Variants in RBM5 observed in about 807,000 individuals in gnomAD.
The protein encoded by RBM5 is RNA-binding protein 5.
RBM5 carries 15 observed loss-of-function variants against 124.6 expected under a neutral mutation model. The ratio of observed to expected loss-of-function variants is 0.12; its 90% CI spans 0.08 to 0.19. The LOEUF is 0.19. Ranked by LOEUF, RBM5 falls within the 10% of genes least tolerant of loss-of-function variation. RBM5 has a pLI of 1.00. For missense variants in RBM5, 580 were observed against 1,026.5 expected, an observed-to-expected ratio of 0.57 and a Z score of 5.94; for synonymous variants, 337 against 361.2, an observed-to-expected ratio of 0.93 and a Z score of 0.76.
chr3:50,093,456 G>T (rs56283541), intron 3 of RBM5, among the ~76,000 whole-genome samples: 4 of 146,512 alleles, frequency 2.7e-5, no homozygotes, highest in Non-Finnish European at 6.0e-5. Flanking sequence ...AAAAAAAAAA[G>T]AAAACACAGC....
intron 4 of RBM5, among the ~76,000 whole-genome samples, chr3:50,096,678 C>G (rs2090822572): frequency 0.011 from 1 of 88 alleles, no homozygotes; most frequent in Non-Finnish European, 0.029. Context: ...CAGCCTCCAA[C>G]TTTTGGGGCT....
At chr3:50,096,913 A>G (rs2090829414) in intron 4 of RBM5, among the ~76,000 whole-genome samples, 1 of 152,080 alleles carries the variant, frequency 6.6e-6, no homozygotes, top group Admixed American at 6.6e-5. Context: ...ATGGTGTGGT[A>G]GATGGGCCCT....
Position 50,107,420 on chromosome 3 carries a change from T to A in RBM5, c.954-62T>A, listed in dbSNP as rs2091053071. On this transcript the variant is annotated intron_variant, in intron 11 of 24. Coordinates refer to ENST00000347869, the MANE Select transcript of RBM5 (RefSeq NM_005778.4). ...GGGTGGAGTGAATCAGTTGGTGGTATAGGGGCACTAATTGTGGGAATACTG... is the reference window on the plus strand; with the variant it reads ...GGGTGGAGTGAATCAGTTGGTGGTAAAGGGGCACTAATTGTGGGAATACTG... The A allele has an allele frequency of 3.1e-6, 4 of 1,299,396 alleles. No homozygotes were observed. The Admixed American group carries it at 5.0e-5, about 16-fold the overall frequency. 80.5% of individuals were successfully genotyped at this position (1,299,396 alleles called of 1,614,324 possible).
intron 2 of RBM5, among the ~76,000 whole-genome samples, chr3:50,091,047 T>G (rs1198115673): frequency 6.6e-6 from 1 of 152,226 alleles, no homozygotes; most frequent in African/African-American, 2.4e-5. Flanking sequence ...GGGTACATGC[T>G]CTCAGACCAT....
At chr3:50,105,758 G>A (rs2091015758) in intron 10 of RBM5, 49 bp downstream of exon 10, 1 of 1,588,200 alleles carries the variant, frequency 6.3e-7, no homozygotes, top group Non-Finnish European at 8.6e-7. Context: ...AGCTTTAAGA[G>A]GCAAATGTGG....
intron 16 of RBM5, 43 bp downstream of exon 16, chr3:50,110,506 AGTT>A: frequency 6.4e-7 from 1 of 1,572,796 alleles, no homozygotes. Flanking sequence ...GGAAGGTCTT[AGTT>A]GTTGTCTTTG....
intron 10 of RBM5, among the ~76,000 whole-genome samples, chr3:50,105,987 CTG>C (rs2091019615): frequency 6.6e-6 from 1 of 152,064 alleles, no homozygotes; most frequent in Non-Finnish European, 1.5e-5. Context: ...TGGAGTCTCA[CTG>C]TCGCCCAGGC....
chr3:50,093,958 T>C, intron 4 of RBM5, 83 bp downstream of exon 4: 1 of 1,474,984 alleles, frequency 6.8e-7, no homozygotes, highest in Non-Finnish European at 9.3e-7. Context: ...CATGCTATTG[T>C]TTTATCTTAA....
chr3:50,096,126 G>C (rs559101103), intron 4 of RBM5, among the ~76,000 whole-genome samples: 116 of 152,170 alleles, frequency 7.6e-4, no homozygotes, highest in African/African-American at 2.6e-3. Context: ...CAGAGCTATG[G>C]ATCTTGCCTC....
chr3:50,106,951 G>A (rs1412283951), intron 11 of RBM5, 87 bp downstream of exon 11: 7 of 1,136,996 alleles, frequency 6.2e-6, no homozygotes, highest in Non-Finnish European at 9.3e-6. Flanking sequence ...TGTGCCCCAA[G>A]TATGTTGAGA....
At chr3:50,089,131 C>T (rs888513707) in intron 1 of RBM5, 102 bp downstream of exon 1, 4 of 152,278 alleles carry the variant, frequency 2.6e-5, no homozygotes, top group Non-Finnish European at 5.9e-5. Flanking sequence ...CAGCTCCAGC[C>T]GGTTCTGTAG....
intron 4 of RBM5, among the ~76,000 whole-genome samples, chr3:50,098,228 C>T (rs1005452690): frequency 2.6e-5 from 4 of 152,200 alleles, no homozygotes; most frequent in Non-Finnish European, 4.4e-5. Context: ...GGCACAGTGA[C>T]GCATCCACTG....
chr3:50,116,234 G>A, intron 22 of RBM5: 1 of 469,618 alleles, frequency 2.1e-6, no homozygotes, highest in Non-Finnish European at 3.9e-6. Flanking sequence ...GCCAGAGCTT[G>A]CTGCTTAAAT....
rs1559701190 is a variant in RBM5, at chr3:50,118,317, C to T, written c.2323-14C>T. On this transcript the variant is annotated splice_polypyrimidine_tract_variant and intron_variant, in intron 24 of 24. Coordinates refer to ENST00000347869, the MANE Select transcript of RBM5 (RefSeq NM_005778.4). ...TACCCTACCTCCCAGCTGACAGTCTCTGTGCTTTCCCAGGCTCAAGTTCGG... is the reference window on the plus strand; with the variant it reads ...TACCCTACCTCCCAGCTGACAGTCTTTGTGCTTTCCCAGGCTCAAGTTCGG... 6.8e-6 allele frequency: 11 copies of T among 1,613,926 alleles called. No individual in the cohort carries two copies. In the Admixed American group the frequency reaches 1.3e-4, roughly 20 times the overall value.
intron 3 of RBM5, among the ~76,000 whole-genome samples, chr3:50,092,444 C>T (rs1297875018): frequency 1.3e-5 from 2 of 151,530 alleles, no homozygotes; most frequent in Non-Finnish European, 2.9e-5. Flanking sequence ...GCCTGTAATC[C>T]CAGCTACTTG....
intron 11 of RBM5, 118 bp downstream of exon 11, chr3:50,106,982 G>T: frequency 1.1e-6 from 1 of 870,570 alleles, no homozygotes. Context: ...CTCCCTGATT[G>T]CCAAGGCCAG....
chr3:50,106,856 T>C lies in RBM5; in HGVS notation c.945T>C (p.Ser315=), dbSNP rs746880028. 242 of 1,596,754 alleles carry C rather than the reference T, an allele frequency of 1.5e-4. No homozygotes were observed. Among genetic ancestry groups the C allele is most frequent in the Non-Finnish European group, 1.8e-4 (208 of 1,164,226 alleles). ...GKTIGVDFAK[S]ARKDLVLSDG... ...CTATTGGGGTTGATTTTGCAAAAAGTGCCAGAAAGTGAGTGGCTTCATTGT... is the reference window on the plus strand; with the variant it reads ...CTATTGGGGTTGATTTTGCAAAAAGCGCCAGAAAGTGAGTGGCTTCATTGT... The change falls in exon 11 of 25, where the codon AGT becomes AGC. Residue 315 remains serine (S), a synonymous_variant. Coordinates refer to ENST00000347869, the MANE Select transcript of RBM5 (RefSeq NM_005778.4).
rs2090917884 is a variant in RBM5, at chr3:50,100,478, A to G, written c.410-54A>G. On this transcript the variant is annotated intron_variant, in intron 5 of 24. Coordinates refer to ENST00000347869, the MANE Select transcript of RBM5 (RefSeq NM_005778.4). This position sits in a 1 kb window ranked among gnomAD's most constrained non-coding sequence, Gnocchi z 5.1. ...GCAGTGGGAGAGAGATTCACCTGTTATAAAGGAACTGACTAACACAAGTAT... is the reference window on the plus strand; with the variant it reads ...GCAGTGGGAGAGAGATTCACCTGTTGTAAAGGAACTGACTAACACAAGTAT... The G allele has an allele frequency of 2.1e-6, 3 of 1,451,160 alleles. No homozygotes were observed. The highest frequency in any genetic ancestry group is 2.9e-6 in the Non-Finnish European group (3 of 1,035,410). 89.9% of individuals were successfully genotyped at this position (1,451,160 alleles called of 1,614,324 possible).
chr3:50,108,348 C>G, intron 14 of RBM5, 44 bp downstream of exon 14: 4 of 1,495,558 alleles, frequency 2.7e-6, no homozygotes, highest in Non-Finnish European at 3.7e-6. Context: ...TAAGCACTTA[C>G]AGTTGAAGAA....
Sources: allele counts gnomAD v4.1 joint callset (sites outside exome capture counted in the v4.1 genomes callset), GRCh38; gene constraint gnomAD v4.1.1; non-coding constraint Gnocchi (gnomAD v3.1); transcripts MANE v1.5; gene names NCBI Gene and HGNC (gene_info 2026-07-23, HGNC 2026-07-21).